Variants in DSC2 observed in about 807,000 individuals in gnomAD.
DSC2 encodes desmocollin 2.
DSC2 carries 51 observed loss-of-function variants against 87.6 expected under a neutral mutation model. That is an observed-to-expected ratio of 0.58 (90% CI 0.46 to 0.74). The LOEUF is 0.74. Ranked by LOEUF, DSC2 falls within the 30% of genes least tolerant of loss-of-function variation. DSC2 has a pLI of 0.00. For missense variants in DSC2, 1,066 were observed against 1,089.5 expected, an observed-to-expected ratio of 0.98 and a Z score of 0.30; for synonymous variants, 383 against 393.2, an observed-to-expected ratio of 0.97 and a Z score of 0.31.
chr18:31,073,716 T>A (rs1001894869), intron 12 of DSC2, among the ~76,000 whole-genome samples: 2 of 152,004 alleles, frequency 1.3e-5, no homozygotes, highest in Non-Finnish European at 2.9e-5. Flanking sequence ...GAGCAGGAGA[T>A]GGGGAACATG....
In DSC2 at chr18:31,067,798, T is replaced by C; in HGVS notation, c.*217A>G. The C allele has an allele frequency of 3.7e-6, 2 of 535,328 alleles. No homozygotes were observed. The highest frequency in any genetic ancestry group is 4.4e-5 in the South Asian group (2 of 45,586). The allele number at this position is 535,328 out of a possible 1,614,324, so 33.2% of individuals were successfully genotyped here. On this transcript the variant is annotated 3_prime_UTR_variant, in exon 16 of 16. Transcript: ENST00000280904. Reference sequence around the variant, plus strand: ...TAATTTCTCTGTAGACCTCCTTGGATAGAAGATAAGTAATTTAAAAATATG... The same window carrying C: ...TAATTTCTCTGTAGACCTCCTTGGACAGAAGATAAGTAATTTAAAAATATG...
chr18:31,081,953 A>C (rs1987232701), intron 9 of DSC2, among the ~76,000 whole-genome samples: 1 of 152,174 alleles, frequency 6.6e-6, no homozygotes, highest in South Asian at 2.1e-4. Flanking sequence ...AAAGTCTGGC[A>C]CTGTCCCAGG....
intron 5 of DSC2, 97 bp downstream of exon 5, chr18:31,089,342 A>G: frequency 6.9e-7 from 1 of 1,440,690 alleles, no homozygotes. Flanking sequence ...ATTGGTGACA[A>G]ACTCAGAAAG....
chr18:31,084,393 T>C (rs1460589878), intron 7 of DSC2, among the ~76,000 whole-genome samples: 1 of 152,136 alleles, frequency 6.6e-6, no homozygotes, highest in Non-Finnish European at 1.5e-5. Context: ...ATTAACTGGC[T>C]AATGAAACAA....
At chr18:31,075,084 T>G (rs1986971966) in intron 11 of DSC2, among the ~76,000 whole-genome samples, 177 bp from the exon 12 acceptor site, 1 of 152,224 alleles carries the variant, frequency 6.6e-6, no homozygotes, top group Admixed American at 6.5e-5. Flanking sequence ...TACTTTCATA[T>G]GGGTTGTACA....
intron 12 of DSC2, among the ~76,000 whole-genome samples, chr18:31,074,465 G>C (rs1025312148): frequency 8.9e-6 from 1 of 111,960 alleles, no homozygotes; most frequent in Non-Finnish European, 2.0e-5. Flanking sequence ...GTGTGTGTGT[G>C]TGTTTGGAGT....
Position 31,092,212 on chromosome 18 carries a change from T to C in DSC2, c.243A>G (p.Thr81=). ...FQILEDGSVY[T]TNTILLSSEK... ...CCGAGGACAATAGAATAGTATTTGTTGTATAGACTGAACCATCCTCCAAAA... is the reference window on the plus strand; with the variant it reads ...CCGAGGACAATAGAATAGTATTTGTCGTATAGACTGAACCATCCTCCAAAA... The change falls in exon 3 of 16, where the codon ACA becomes ACG. Residue 81 remains threonine, a synonymous_variant. Transcript: ENST00000280904. 1 of 1,613,820 alleles carries C rather than the reference T, an allele frequency of 6.2e-7. No individual in the cohort carries two copies. The highest frequency in any genetic ancestry group is 8.5e-7 in the Non-Finnish European group (1 of 1,179,806).
Position 31,096,266 on chromosome 18 carries a change from G to A in DSC2, c.70-2623C>T, listed in dbSNP as rs559636597. On this transcript the variant is annotated intron_variant, in intron 1 of 15. Transcript: ENST00000280904. Reference sequence around the variant, plus strand: ...GATAACATTTTTCAAACATCCTAAAGCATCAAAGAGCTAACAAAATAGCAA... The same window carrying A: ...GATAACATTTTTCAAACATCCTAAAACATCAAAGAGCTAACAAAATAGCAA... Among the ~76,000 whole-genome samples, 33 of 152,238 alleles carry A rather than the reference G, an allele frequency of 2.2e-4. No homozygotes were observed. The South Asian group carries it at 6.9e-3, about 32-fold the overall frequency.
In DSC2 at chr18:31,080,219, T is replaced by C. The variant is rs763594162; in HGVS notation, c.1397A>G (p.Asp466Gly). ...ATVTVNVEDQ[D>G]EGPECNPPIQ... ...TGGAGGGTTACACTCAGGGCCCTCA[T>C]CCTGATCTTCTACATTAACAGTAAC... The change falls in exon 10 of 16, where the codon GAT becomes GGT. Residue 466 changes from aspartate to glycine, a missense_variant. Physicochemically the swap from Asp to Gly is moderately conservative, Grantham distance 94. Transcript: ENST00000280904. The C allele has an allele frequency of 6.2e-7, 1 of 1,614,128 alleles. No individual in the cohort carries two copies. The highest frequency in any genetic ancestry group is 1.1e-5 in the South Asian group (1 of 91,090).
At chr18:31,071,122 T>C (rs1401775147) in intron 13 of DSC2, among the ~76,000 whole-genome samples, 1 of 151,950 alleles carries the variant, frequency 6.6e-6, no homozygotes, top group Admixed American at 6.6e-5. Context: ...TTTATGTCTA[T>C]AATAACTAAG....
rs1598568951 is a variant in DSC2 at position 31,067,851 on chromosome 18, TTA to T, written c.*162_*163del. On this transcript the variant is annotated 3_prime_UTR_variant, in exon 16 of 16. Coordinates refer to ENST00000280904, the MANE Select transcript of DSC2 (RefSeq NM_024422.6). ...AAAATTGAAAAATTTGTGTACTTGT[TTA>T]TAGTGTCTCTCTGTAAATGTGCATT... The T allele has an allele frequency of 1.5e-6, 1 of 664,726 alleles. No individual in the cohort carries two copies. Among genetic ancestry groups the T allele is most frequent in the Non-Finnish European group, 2.5e-6 (1 of 392,540 alleles). The allele number at this position is 664,726 out of a possible 1,614,324, so 41.2% of individuals were successfully genotyped here.
At chr18:31,088,511 C>A (rs1367567704) in intron 5 of DSC2, among the ~76,000 whole-genome samples, 1 of 152,124 alleles carries the variant, frequency 6.6e-6, no homozygotes, top group Non-Finnish European at 1.5e-5. Context: ...ATACTTTATT[C>A]AAAGCTTGCC....
At chr18:31,068,445 A>G (rs374510194) in intron 15 of DSC2, 12 of 1,237,904 alleles carry the variant, frequency 9.7e-6, no homozygotes, top group Middle Eastern at 2.7e-4. Context: ...GCAAGTATAC[A>G]GGTGTTCATT....
At chr18:31,077,850 A>T (rs1987073911) in intron 11 of DSC2, among the ~76,000 whole-genome samples, 1 of 152,198 alleles carries the variant, frequency 6.6e-6, no homozygotes, top group Non-Finnish European at 1.5e-5. Flanking sequence ...TACAATAGAA[A>T]CATTAATCTC....
chr18:31,074,751 G>C lies in DSC2; in HGVS notation c.1820C>G (p.Pro607Arg). ...AGAACTCTCCAGACTAAAGTCAAAG[G>C]GTGGGCCATGGATAGGCTCATCAGG... The part of the protein sequence containing the change: ...VDPDEPIHGP[P>R]FDFSLESSTS... Residue 607 changes from proline to arginine, a missense_variant, in exon 12 of 16, where the codon CCC becomes CGC. Transcript: ENST00000280904. The C allele has an allele frequency of 6.2e-7, 1 of 1,613,940 alleles. No individual in the cohort carries two copies. Among genetic ancestry groups the C allele is most frequent in the East Asian group, 2.2e-5 (1 of 44,852 alleles).
At chr18:31,070,692 C>T in intron 14 of DSC2, 34 bp downstream of exon 14, 1 of 1,612,382 alleles carries the variant, frequency 6.2e-7, no homozygotes, top group South Asian at 1.1e-5. Context: ...GCGAATTCAT[C>T]CTTTGTATTT....
In DSC2 at chr18:31,083,069, A is replaced by G. The variant is rs750684563; in HGVS notation, c.943-9T>C. 29 of 1,608,384 alleles carry G rather than the reference A, an allele frequency of 1.8e-5. No homozygotes were observed. In the East Asian group the frequency reaches 2.7e-4, roughly 15 times the overall value. ...TGGTACTTGTCAATTAACTGAAAACAAAAAAAGAATTTAATTATTGGGGGA... is the reference window on the plus strand; with the variant it reads ...TGGTACTTGTCAATTAACTGAAAACGAAAAAAGAATTTAATTATTGGGGGA... On this transcript the variant is annotated splice_polypyrimidine_tract_variant and intron_variant, in intron 7 of 15. Transcript: ENST00000280904.
intron 11 of DSC2, among the ~76,000 whole-genome samples, chr18:31,075,122 A>G (rs1598576438): frequency 6.6e-6 from 1 of 152,326 alleles, no homozygotes; most frequent in East Asian, 1.9e-4. Flanking sequence ...AGATGTGTTT[A>G]TTCATTCGCT....
rs1259933141 is a variant in DSC2, at chr18:31,068,320, T to A, written c.2509-108A>T. ...TTACCTTTCATTGTTTAATTTTTAA[T>A]CAGAGTGTGTCCTCTAATGGATTCC... On this transcript the variant is annotated intron_variant, in intron 15 of 15. Coordinates refer to ENST00000280904, the MANE Select transcript of DSC2 (RefSeq NM_024422.6). 5 of 1,613,630 alleles carry A rather than the reference T, an allele frequency of 3.1e-6. No individual in the cohort carries two copies. The highest frequency in any genetic ancestry group is 4.2e-6 in the Non-Finnish European group (5 of 1,179,638).
Sources: allele counts gnomAD v4.1 joint callset (sites outside exome capture counted in the v4.1 genomes callset), GRCh38; gene constraint gnomAD v4.1.1; transcripts MANE v1.5; gene names NCBI Gene and HGNC (gene_info 2026-07-23, HGNC 2026-07-21).